Variants in NEBL observed in about 807,000 individuals in gnomAD.
The protein encoded by NEBL is nebulette.
In NEBL, 122 loss-of-function variants were observed where a neutral mutation model predicts 140.2. The ratio of observed to expected loss-of-function variants is 0.87; its 90% confidence interval spans 0.75 to 1.01. The LOEUF is 1.01. Ranked by LOEUF, NEBL falls within the 50% of genes least tolerant of loss-of-function variation. The pLI is 0.00. For missense variants in NEBL, 1,365 were observed against 1,231.3 expected, an observed-to-expected ratio of 1.11 and a Z score of -1.62; for synonymous variants, 436 against 398.9, an observed-to-expected ratio of 1.09 and a Z score of -1.11.
chr10:20,964,551 T>C (rs72789340), intron 3 of NEBL, among the ~76,000 whole-genome samples: 11,281 of 151,988 alleles, frequency 0.074, 500 homozygotes, highest in African/African-American at 0.13. Flanking sequence ...GAACTCATTG[T>C]TGTGGGGAGG....
At chr10:21,048,867 G>A (rs1297947606) in intron 2 of NEBL, among the ~76,000 whole-genome samples, 1 of 152,026 alleles carries the variant, frequency 6.6e-6, no homozygotes, top group Non-Finnish European at 1.5e-5. Flanking sequence ...AAATTAGCCG[G>A]GCATGGTGGC....
rs753758801 is a variant in NEBL, at chr10:20,828,584, T to C, written c.1722A>G (p.Ile574Met). The C allele has an allele frequency of 1.3e-6, 2 of 1,596,388 alleles. No homozygotes were observed. Among genetic ancestry groups the C allele is most frequent in the East Asian group, 4.5e-5 (2 of 44,694 alleles). Reference protein sequence around the residue: ...AEKMLSNYSTIADTPEIQRIK... With the variant: ...AEKMLSNYSTMADTPEIQRIK... ...TTCTCTGAATTTCAGGAGTATCTGC[T>C]ATGGTAGAATAGTTAGAAAGCATCT... Residue 574 changes from isoleucine (I) to methionine (M), a missense_variant, in exon 17 of 28, where the codon ATA (isoleucine) becomes ATG (methionine). This residue lies in a region of NEBL where 1,323 missense variants were observed against 1,154.8 expected (regional missense o/e 1.15). Transcript: ENST00000377122.
intron 3 of NEBL, among the ~76,000 whole-genome samples, chr10:21,185,777 C>T (rs911791765): frequency 3.3e-4 from 50 of 152,122 alleles, no homozygotes; most frequent in Middle Eastern, 3.2e-3. Context: ...GGATTACAGG[C>T]GTGACCCACT....
intron 2 of NEBL, among the ~76,000 whole-genome samples, chr10:21,036,539 T>C (rs1452951725): frequency 6.6e-6 from 1 of 152,090 alleles, no homozygotes; most frequent in Non-Finnish European, 1.5e-5. Context: ...AGTCAATGAA[T>C]AGGAGCAGAT....
chr10:20,804,534 C>G (rs1309777208), intron 26 of NEBL: 1 of 152,172 alleles, frequency 6.6e-6, no homozygotes, highest in Non-Finnish European at 1.5e-5. Context: ...GAGGGTGAAT[C>G]AGAATTAATC....
At chr10:20,870,804 T>A (rs933539285) in intron 5 of NEBL, among the ~76,000 whole-genome samples, 6 of 152,182 alleles carry the variant, frequency 3.9e-5, no homozygotes, top group Admixed American at 3.9e-4. Context: ...AACCAAAGTA[T>A]GGTAAGTAGA....
At chr10:20,902,745 G>A (rs751481168) in intron 4 of NEBL, among the ~76,000 whole-genome samples, 38 of 151,956 alleles carry the variant, frequency 2.5e-4, no homozygotes, top group Non-Finnish European at 4.7e-4. Flanking sequence ...GATCACTCCC[G>A]CAATCTTCAC....
chr10:20,804,858 G>T (rs925794953), intron 26 of NEBL, among the ~76,000 whole-genome samples: 2 of 152,164 alleles, frequency 1.3e-5, no homozygotes, highest in Non-Finnish European at 2.9e-5. Flanking sequence ...AGAGTGACAT[G>T]ATGTCACCAG....
At chr10:20,801,042 T>G (rs1420899993) in intron 26 of NEBL, among the ~76,000 whole-genome samples, 1 of 152,140 alleles carries the variant, frequency 6.6e-6, no homozygotes, top group Admixed American at 6.5e-5. Flanking sequence ...AGTTCCAGAC[T>G]TCTTCTTCAG....
At chr10:20,926,362 A>C (rs1256084556) in intron 4 of NEBL, among the ~76,000 whole-genome samples, 2 of 151,940 alleles carry the variant, frequency 1.3e-5, no homozygotes, top group Non-Finnish European at 2.9e-5. Flanking sequence ...AATTTTTCTA[A>C]GAGGGCTTAA....
In NEBL at chr10:21,269,055, T is replaced by G. The variant is rs556045161; in HGVS notation, n.183-17227A>C. ...TGGTTTGACCACCGCCAGAGCAGAG[T>G]GTCTCACAAGAATGCCAAAGAAGCA... On this transcript the variant is annotated intron_variant and non_coding_transcript_variant, in intron 1 of 8. Transcript: ENST00000675702. 6.6e-5 allele frequency among the ~76,000 whole-genome samples: 10 copies of G among 152,160 alleles called. No individual in the cohort carries two copies. In the East Asian group the frequency reaches 1.2e-3, roughly 18 times the overall value.
In NEBL at chr10:21,233,928, C is replaced by CAT. The variant is rs1232042988; in HGVS notation, n.348+13991_348+13992dup. Among the ~76,000 whole-genome samples the CAT allele has an allele frequency of 2.9e-4, 38 of 131,692 alleles. 1 individual carries two copies. Among genetic ancestry groups the CAT allele is most frequent in the East Asian group, 1.5e-3 (7 of 4,646 alleles). 86.4% of individuals were successfully genotyped at this position (131,692 alleles called of 152,430 possible). On this transcript the variant is annotated intron_variant and non_coding_transcript_variant, in intron 3 of 8. Transcript: ENST00000675702. ...TATGCATATATATGGATATATATTACATATATATATATATGCTGGATGTGC... is the reference window on the plus strand; with the variant it reads ...TATGCATATATATGGATATATATTACATATATATATATATATGCTGGATGTGC...
intron 5 of NEBL, among the ~76,000 whole-genome samples, chr10:20,875,652 G>A (rs1042594354): frequency 6.6e-6 from 1 of 152,252 alleles, no homozygotes; most frequent in Non-Finnish European, 1.5e-5. Context: ...GGAAGTCAAG[G>A]AGATGACTTT....
intron 3 of NEBL, among the ~76,000 whole-genome samples, chr10:20,990,328 C>G (rs1188942254): frequency 1.3e-5 from 2 of 152,146 alleles, no homozygotes; most frequent in African/African-American, 2.4e-5. Context: ...TATGTTGAAG[C>G]CTAATCTCCA....
At chr10:20,882,367 G>C (rs1420172293) in intron 4 of NEBL, among the ~76,000 whole-genome samples, 1 of 151,052 alleles carries the variant, frequency 6.6e-6, no homozygotes, top group Non-Finnish European at 1.5e-5. Flanking sequence ...GAAAGGGAAA[G>C]TAAAAGAAAA....
intron 2 of NEBL, among the ~76,000 whole-genome samples, chr10:20,893,424 A>G (rs912844855): frequency 6.6e-6 from 1 of 152,248 alleles, no homozygotes; most frequent in Non-Finnish European, 1.5e-5. Flanking sequence ...TCAGAAGACC[A>G]GCTGTTCTTC....
chr10:21,099,386 G>A (rs1221195020), intron 2 of NEBL, among the ~76,000 whole-genome samples: 1 of 151,976 alleles, frequency 6.6e-6, no homozygotes, highest in Non-Finnish European at 1.5e-5. Flanking sequence ...CCTGTGTTCT[G>A]TCCCTTCACA....
At chr10:20,879,582 C>T (rs758776423) in intron 5 of NEBL, among the ~76,000 whole-genome samples, 1 of 152,090 alleles carries the variant, frequency 6.6e-6, no homozygotes, top group East Asian at 1.9e-4. Context: ...TGCCGTTCTG[C>T]GGAAAACACT....
chr10:21,207,526 G>A (rs1182183257), intron 3 of NEBL, among the ~76,000 whole-genome samples: 2 of 152,060 alleles, frequency 1.3e-5, no homozygotes, highest in South Asian at 2.1e-4. Context: ...CACACACACA[G>A]CCTGTTGTCC....
Sources: allele counts gnomAD v4.1 joint callset (sites outside exome capture counted in the v4.1 genomes callset), GRCh38; gene constraint gnomAD v4.1.1; regional missense constraint gnomAD v4.1.1; transcripts MANE v1.5; gene names NCBI Gene and HGNC (gene_info 2026-07-23, HGNC 2026-07-21).